NAV2: variants seen among roughly 807,000 people sequenced by gnomAD.
The protein encoded by NAV2 is neuron navigator 2, also known as helicase, APC down-regulated 1.
Under a neutral mutation model 223.2 loss-of-function variants are expected in NAV2, and 54 were observed. That is an observed-to-expected ratio of 0.24 (90% CI 0.19 to 0.30). NAV2 has a LOEUF of 0.30. Ranked by LOEUF, NAV2 falls within the 10% of genes least tolerant of loss-of-function variation. NAV2 has a pLI of 1.00. For missense variants in NAV2, 2,806 were observed against 3,147.5 expected (o/e 0.89, Z 2.60); for synonymous variants, 1,279 against 1,239.3 (o/e 1.03, Z -0.67).
intron 10 of NAV2, among the ~76,000 whole-genome samples, chr11:19,959,100 T>G (rs1234272222): frequency 2.0e-5 from 3 of 152,222 alleles, no homozygotes; most frequent in African/African-American, 4.8e-5. Context: ...AGCTGATGTC[T>G]GTCCTCAGCA....
intron 2 of NAV2, among the ~76,000 whole-genome samples, chr11:19,833,405 C>G (rs748098150): frequency 6.6e-6 from 1 of 152,208 alleles, no homozygotes; most frequent in Non-Finnish European, 1.5e-5. Context: ...ATAGTTGGAG[C>G]TCTGCTCAAA....
At chr11:19,546,261 G>C (rs2044495526) in intron 1 of NAV2, among the ~76,000 whole-genome samples, 1 of 152,250 alleles carries the variant, frequency 6.6e-6, no homozygotes, top group South Asian at 2.1e-4. Context: ...TGGCAGAGGA[G>C]ACTTGAACCC....
intron 1 of NAV2, among the ~76,000 whole-genome samples, chr11:19,544,681 C>T (rs2044439953): frequency 6.6e-6 from 1 of 152,138 alleles, no homozygotes; most frequent in Admixed American, 6.5e-5. Flanking sequence ...GCTTACCTGG[C>T]CACCTTATCC....
chr11:19,893,048 G>A (rs1469014626), intron 6 of NAV2, among the ~76,000 whole-genome samples: 1 of 152,132 alleles, frequency 6.6e-6, no homozygotes, highest in East Asian at 1.9e-4. Context: ...CAGGAATGTG[G>A]ATTGGCTCAT....
At chr11:19,918,420 G>A (rs1459463967) in intron 6 of NAV2, among the ~76,000 whole-genome samples, 1 of 152,208 alleles carries the variant, frequency 6.6e-6, no homozygotes, top group Non-Finnish European at 1.5e-5. Flanking sequence ...GAGTCTGCAT[G>A]CCTGTTTTTT....
rs550933307 is a variant in NAV2, at chr11:19,810,501, G to A, written c.268-21983G>A. 3.3e-5 allele frequency among the ~76,000 whole-genome samples: 5 copies of A among 152,150 alleles called. 1 individual carries two copies. The highest frequency in any genetic ancestry group is 1.9e-4 in the East Asian group (1 of 5,198). On this transcript the variant is annotated intron_variant, in intron 1 of 37. Transcript: ENST00000349880. ...GCTGAAAGAACAAGGATATGTACAC[G>A]TATCTACGAATATCCTATCTAGATT...
intron 1 of NAV2, among the ~76,000 whole-genome samples, chr11:19,808,921 A>T (rs2058716427): frequency 6.6e-6 from 1 of 152,202 alleles, no homozygotes; most frequent in East Asian, 1.9e-4. Flanking sequence ...ACTTGAGGGA[A>T]CCTCTGGCAT....
intron 1 of NAV2, among the ~76,000 whole-genome samples, chr11:19,587,270 G>C (rs557249929): frequency 6.6e-6 from 1 of 152,302 alleles, no homozygotes; most frequent in African/African-American, 2.4e-5. Flanking sequence ...TCCAGGTGCT[G>C]CCTGTCACCC....
chr11:19,457,012 G>A (rs1415955089), intron 1 of NAV2, among the ~76,000 whole-genome samples: 1 of 152,198 alleles, frequency 6.6e-6, no homozygotes, highest in African/African-American at 2.4e-5. Context: ...GGCAGGGTGG[G>A]AGTAGTTAAC....
At chr11:19,575,866 A>T (rs1340279178) in intron 1 of NAV2, among the ~76,000 whole-genome samples, 1 of 152,190 alleles carries the variant, frequency 6.6e-6, no homozygotes, top group Non-Finnish European at 1.5e-5. Flanking sequence ...GAGGTAAGGG[A>T]ATCACAGCTG....
At chr11:19,497,419 A>G (rs2042830977) in intron 1 of NAV2, among the ~76,000 whole-genome samples, 1 of 152,228 alleles carries the variant, frequency 6.6e-6, no homozygotes. Flanking sequence ...AGATGCCAGA[A>G]CATGATGGAA....
chr11:19,430,455 C>G (rs765248100), intron 1 of NAV2, among the ~76,000 whole-genome samples: 1 of 152,222 alleles, frequency 6.6e-6, no homozygotes, highest in Non-Finnish European at 1.5e-5. Flanking sequence ...ACTGGCATTC[C>G]CTGTCCCATA....
intron 1 of NAV2, among the ~76,000 whole-genome samples, chr11:19,683,471 C>T (rs1371759256): frequency 6.6e-6 from 1 of 152,224 alleles, no homozygotes; most frequent in Admixed American, 6.5e-5. Context: ...ACATATTGTA[C>T]TGAGCTCAGC....
At chr11:19,684,340 T>G (rs2048962536) in intron 1 of NAV2, among the ~76,000 whole-genome samples, 1 of 152,106 alleles carries the variant, frequency 6.6e-6, no homozygotes, top group African/African-American at 2.4e-5. Flanking sequence ...GACTCATGTG[T>G]CAATGCCCAG....
intron 1 of NAV2, among the ~76,000 whole-genome samples, chr11:19,637,730 T>A (rs1027428299): frequency 5.9e-5 from 9 of 152,236 alleles, no homozygotes; most frequent in African/African-American, 1.7e-4. Context: ...AACTCATTTA[T>A]CACTGAGGTG....
At chr11:19,405,982 C>T (rs989529926) in intron 1 of NAV2, among the ~76,000 whole-genome samples, 1 of 152,058 alleles carries the variant, frequency 6.6e-6, no homozygotes, top group Non-Finnish European at 1.5e-5. Context: ...GACAGAGTAG[C>T]AGAAGCATGG....
chr11:19,917,291 G>A (rs1359928866), intron 6 of NAV2, among the ~76,000 whole-genome samples: 2 of 152,112 alleles, frequency 1.3e-5, no homozygotes, highest in African/African-American at 2.4e-5. Flanking sequence ...CAAGAGATAC[G>A]CATTCACAGC....
At chr11:19,704,848 T>A (rs1270900443) in intron 1 of NAV2, among the ~76,000 whole-genome samples, 4 of 151,670 alleles carry the variant, frequency 2.6e-5, no homozygotes, top group Non-Finnish European at 5.9e-5. Flanking sequence ...CCATCTCTAC[T>A]AAAAATACAA....
intron 12 of NAV2, among the ~76,000 whole-genome samples, chr11:20,038,737 G>T (rs906898965): frequency 4.6e-5 from 7 of 152,200 alleles, no homozygotes; most frequent in African/African-American, 1.7e-4. Flanking sequence ...CAGGCAAGGC[G>T]TGGGGAGGCA....
Sources: gnomAD v4.1 joint callset for allele counts (sites outside exome capture counted in the v4.1 genomes callset) on GRCh38, gnomAD v4.1.1 for gene constraint, MANE v1.5 for transcripts, NCBI Gene and HGNC (gene_info 2026-07-23, HGNC 2026-07-21) for gene names.